Variants in TDRD5 observed in about 807,000 individuals in gnomAD.
TDRD5 encodes tudor domain-containing protein 5.
Under a neutral mutation model 120.6 loss-of-function variants are expected in TDRD5, and 41 were observed. That is an observed-to-expected ratio of 0.34 (90% CI 0.26 to 0.44). The LOEUF (loss-of-function observed/expected upper bound fraction) is 0.44. Among genes scored for constraint, TDRD5 ranks in the 20% least tolerant of loss-of-function variants. The pLI, the probability that TDRD5 is intolerant of heterozygous loss-of-function variation, is 1.00. For missense variants in TDRD5, 1,006 were observed against 1,221.2 expected (o/e 0.82, Z 2.63); for synonymous variants, 430 against 433.7 (o/e 0.99, Z 0.11).
At chr1:179,656,002 A>G (rs1678987784) in intron 14 of TDRD5, among the ~76,000 whole-genome samples, 1 of 152,288 alleles carries the variant, frequency 6.6e-6, no homozygotes, top group Middle Eastern at 3.4e-3. Context: ...GGGTCATGTG[A>G]TAAGTGTATG....
chr1:179,665,201 GTTTTTC>G (rs1315423249), intron 16 of TDRD5, among the ~76,000 whole-genome samples: 1 of 152,018 alleles, frequency 6.6e-6, no homozygotes, highest in Non-Finnish European at 1.5e-5. Flanking sequence ...CTACTCTTCT[GTTTTTC>G]TTTTTCACTT....
rs374343993 is a variant in TDRD5, at chr1:179,690,964, A to G, written c.*21A>G. The G allele has an allele frequency of 6.3e-7, 1 of 1,597,628 alleles. No individual in the cohort carries two copies. Among genetic ancestry groups the G allele is most frequent in the Non-Finnish European group, 8.5e-7 (1 of 1,170,802 alleles). On this transcript the variant is annotated 3_prime_UTR_variant, in exon 18 of 18. Coordinates refer to ENST00000444136, the MANE Select transcript of TDRD5 (RefSeq NM_001199085.3). ...CATGAGGGAGGGAGGGAGGAGGGAGAAAAACAGAATCCAGCCGCTTAGGCT... is the reference window on the plus strand; with the variant it reads ...CATGAGGGAGGGAGGGAGGAGGGAGGAAAACAGAATCCAGCCGCTTAGGCT...
chr1:179,666,763 C>T (rs1679575447), intron 16 of TDRD5, among the ~76,000 whole-genome samples: 2 of 152,214 alleles, frequency 1.3e-5, no homozygotes, highest in Admixed American at 1.3e-4. Flanking sequence ...TTCCTACCAA[C>T]AATTTAAGAG....
chr1:179,635,330 C>T (rs976107485), intron 8 of TDRD5, among the ~76,000 whole-genome samples: 2 of 152,150 alleles, frequency 1.3e-5, no homozygotes, highest in Non-Finnish European at 1.5e-5. Context: ...AAGAATCCAC[C>T]TTGGTTCAGC....
intron 9 of TDRD5, among the ~76,000 whole-genome samples, chr1:179,637,161 C>T (rs1482772558): frequency 6.6e-6 from 1 of 152,114 alleles, no homozygotes; most frequent in Non-Finnish European, 1.5e-5. Context: ...TCTCAAAAAA[C>T]ATTCCATGTT....
chr1:179,623,625 C>CTTTTTTTTTTTTTTTTTTTTTTTTTT (rs11428251), intron 6 of TDRD5, among the ~76,000 whole-genome samples: 1 of 97,908 alleles, frequency 1.0e-5, no homozygotes, highest in African/African-American at 3.6e-5. Context: ...CCAACTCATT[C>CTTTTTTTTTTTTTTTTTTTTTTTTTT]TTTTTTTTTT....
At chr1:179,687,805 C>G (rs150696323) in intron 17 of TDRD5, among the ~76,000 whole-genome samples, 8,604 of 150,778 alleles carry the variant, frequency 0.057, 381 homozygotes, top group African/African-American at 0.13. Context: ...TAATGGCCTT[C>G]TTTGTCTCTT....
chr1:179,618,434 T>C (rs10913835), intron 4 of TDRD5, among the ~76,000 whole-genome samples, 165 bp from the exon 5 acceptor site: 13,691 of 152,236 alleles, frequency 0.09, 684 homozygotes, highest in Middle Eastern at 0.12. Context: ...AAGTGTATTT[T>C]GTATGGTATG....
At chr1:179,653,422 T>G (rs1472308839) in intron 13 of TDRD5, among the ~76,000 whole-genome samples, 1 of 152,136 alleles carries the variant, frequency 6.6e-6, no homozygotes, top group African/African-American at 2.4e-5. Context: ...TACCGATGTT[T>G]CCTACTGCAT....
intron 17 of TDRD5, among the ~76,000 whole-genome samples, chr1:179,670,596 G>T (rs1390550160): frequency 6.6e-6 from 1 of 152,118 alleles, no homozygotes; most frequent in Non-Finnish European, 1.5e-5. Context: ...TTTAAATTTT[G>T]CCAGTCTGTT....
chr1:179,642,818 T>A (rs1678127225), intron 11 of TDRD5, among the ~76,000 whole-genome samples: 1 of 152,194 alleles, frequency 6.6e-6, no homozygotes, highest in South Asian at 2.1e-4. Flanking sequence ...AATAACACAT[T>A]TGGTAATAGC....
chr1:179,662,596 TA>T (rs200782818), intron 15 of TDRD5, among the ~76,000 whole-genome samples: 6 of 150,278 alleles, frequency 4.0e-5, no homozygotes, highest in African/African-American at 1.5e-4. Flanking sequence ...AGACCCTATC[TA>T]AAAAAAAATA....
chr1:179,601,694 T>C (rs1675720635), intron 4 of TDRD5, among the ~76,000 whole-genome samples: 1 of 152,246 alleles, frequency 6.6e-6, no homozygotes, highest in African/African-American at 2.4e-5. Flanking sequence ...GTTCCATGAT[T>C]TTGCAATTGC....
At position 179,618,630 on chromosome 1, in the gene TDRD5, A is replaced by G. The variant is rs114144991; in HGVS notation, c.863A>G (p.Gln288Arg). Residue 288 changes from glutamine to arginine, a missense_variant, in exon 5 of 18, where the codon CAG becomes CGG. Physicochemically the swap from Gln to Arg is conservative, Grantham distance 43 (BLOSUM62 1). Around this residue, in one of 3 missense-constraint regions of TDRD5, gnomAD observed 445 missense variants for 515.5 expected, o/e 0.86. Transcript: ENST00000444136. ...AACACATTCAAATCAGTTATTGCACAGATTGGACCTGGAGGAACTATCAGT... is the reference window on the plus strand; with the variant it reads ...AACACATTCAAATCAGTTATTGCACGGATTGGACCTGGAGGAACTATCAGT... ...LENTFKSVIAQIGPGGTISSE... is the reference protein window; with the variant it reads ...LENTFKSVIARIGPGGTISSE... 8,814 of 1,597,564 alleles carry G rather than the reference A, an allele frequency of 5.5e-3. 27 individuals carry two copies. The highest frequency in any genetic ancestry group is 6.5e-3 in the Non-Finnish European group (7,659 of 1,173,562).
chr1:179,632,679 T>C (rs1340924652), intron 7 of TDRD5, among the ~76,000 whole-genome samples: 1 of 152,192 alleles, frequency 6.6e-6, no homozygotes, highest in East Asian at 1.9e-4. Context: ...CTAGCATTAA[T>C]AGTTTTAGTG....
At chr1:179,671,037 T>C (rs1679830842) in intron 17 of TDRD5, among the ~76,000 whole-genome samples, 1 of 152,248 alleles carries the variant, frequency 6.6e-6, no homozygotes, top group Non-Finnish European at 1.5e-5. Context: ...TAGGGTATGA[T>C]GTGAGGATCA....
At chr1:179,679,690 T>C (rs1450435733) in intron 17 of TDRD5, among the ~76,000 whole-genome samples, 1 of 147,448 alleles carries the variant, frequency 6.8e-6, no homozygotes, top group African/African-American at 2.5e-5. Context: ...CTGTAGATAT[T>C]AGTAATTTGT....
rs770004280 is a variant in TDRD5 at position 179,690,790 on chromosome 1, G to A, written c.2955G>A (p.Gln985=). 3.1e-6 allele frequency: 5 copies of A among 1,614,122 alleles called. No individual in the cohort carries two copies. In the African/African-American group the frequency reaches 6.7e-5, roughly 22 times the overall value. The change falls in exon 18 of 18, where the codon CAG becomes CAA. Residue 985 remains glutamine (Q), a synonymous_variant. Coordinates refer to ENST00000444136, the MANE Select transcript of TDRD5 (RefSeq NM_001199085.3). Reference sequence around the variant, plus strand: ...ACAAGCGTCAAGAATCTGTAGACCAGCTGTCTTTGATTTTGTCTTATGAGT... The same window carrying A: ...ACAAGCGTCAAGAATCTGTAGACCAACTGTCTTTGATTTTGTCTTATGAGT... ...YKDKRQESVD[Q]LSLILSYECQ...
At chr1:179,675,270 A>ATT (rs879312785) in intron 17 of TDRD5, among the ~76,000 whole-genome samples, 8,025 of 54,312 alleles carry the variant, frequency 0.15, 775 homozygotes, top group South Asian at 0.2. Context: ...TATTATTATT[A>ATT]TTATTTTTTT....
Sources: gnomAD v4.1 joint callset for allele counts (sites outside exome capture counted in the v4.1 genomes callset) on GRCh38, gnomAD v4.1.1 for gene constraint, gnomAD v4.1.1 regional missense constraint, MANE v1.5 for transcripts, NCBI Gene and HGNC (gene_info 2026-07-23, HGNC 2026-07-21) for gene names.